Variants in CYTH3 observed in about 807,000 individuals in gnomAD.
CYTH3 encodes the protein cytohesin 3.
In CYTH3, 23 loss-of-function variants were observed where a neutral mutation model predicts 55.1. The ratio of observed to expected loss-of-function variants is 0.42; its 90% CI spans 0.30 to 0.59. The LOEUF (loss-of-function observed/expected upper bound fraction) is 0.59. Among genes scored for constraint, CYTH3 ranks in the 20% least tolerant of loss-of-function variants. The pLI is 0.20. For missense variants in CYTH3, 413 were observed against 524.8 expected (o/e 0.79, Z 2.08); for synonymous variants, 249 against 194.9 (o/e 1.28, Z -2.31).
At position 6,255,628 on chromosome 7, in the gene CYTH3, G is replaced by C. The variant is rs553805601; in HGVS notation, c.34+16846C>G. Among the ~76,000 whole-genome samples the C allele has an allele frequency of 3.9e-5, 6 of 152,230 alleles. No individual in the cohort carries two copies. The South Asian group carries it at 1.2e-3, about 32-fold the overall frequency. ...AGCACCTCATCAAGATAGGGAGGGAGGGATATGTTGGGGACATCAGGAGAA... is the reference window on the plus strand; with the variant it reads ...AGCACCTCATCAAGATAGGGAGGGACGGATATGTTGGGGACATCAGGAGAA... On this transcript the variant is annotated intron_variant, in intron 1 of 12. Transcript: ENST00000350796.
chr7:6,245,540 C>T (rs1294194622), intron 1 of CYTH3, among the ~76,000 whole-genome samples: 3 of 152,190 alleles, frequency 2.0e-5, no homozygotes, highest in Non-Finnish European at 2.9e-5. Flanking sequence ...CCTACTTTCA[C>T]TCATCTCCAG....
chr7:6,236,647 C>T (rs1359503701), intron 1 of CYTH3, among the ~76,000 whole-genome samples: 1 of 152,128 alleles, frequency 6.6e-6, no homozygotes, highest in East Asian at 1.9e-4. Context: ...AAACCTCCAC[C>T]TTCTGGGTTC....
chr7:6,179,962 G>A (rs1254898496), intron 4 of CYTH3, among the ~76,000 whole-genome samples: 2 of 148,084 alleles, frequency 1.4e-5, no homozygotes, highest in African/African-American at 2.5e-5. Flanking sequence ...ATGCAGGTCT[G>A]GTCCTTCGAG....
At chr7:6,192,620 C>T (rs1783827282) in intron 1 of CYTH3, among the ~76,000 whole-genome samples, 1 of 150,732 alleles carries the variant, frequency 6.6e-6, no homozygotes, top group East Asian at 2.0e-4. Context: ...CAACCTCCAC[C>T]TCCTGAGTTC....
chr7:6,223,736 T>C (rs565952185), intron 1 of CYTH3, among the ~76,000 whole-genome samples: 8 of 151,114 alleles, frequency 5.3e-5, no homozygotes, highest in East Asian at 2.0e-4. Context: ...ACTAGAGACT[T>C]TTGTTCACGT....
chr7:6,245,369 G>A (rs1007187948), intron 1 of CYTH3, among the ~76,000 whole-genome samples: 1 of 152,104 alleles, frequency 6.6e-6, no homozygotes, highest in African/African-American at 2.4e-5. Context: ...CAGAATTAGA[G>A]AGTTTCAGGC....
intron 1 of CYTH3, among the ~76,000 whole-genome samples, chr7:6,246,400 C>A (rs1341948007): frequency 6.6e-6 from 1 of 152,106 alleles, no homozygotes; most frequent in South Asian, 2.1e-4. Flanking sequence ...AGCCAATTTA[C>A]AAAACCAAAT....
Position 6,171,156 on chromosome 7 carries a change from G to GGAGGCTGTGCCTGGCAAGGGGC in CYTH3, c.562+24_562+45dup. 6.2e-7 allele frequency: 1 copy of GGAGGCTGTGCCTGGCAAGGGGC among 1,607,636 alleles called. No homozygotes were observed. Among genetic ancestry groups the GGAGGCTGTGCCTGGCAAGGGGC allele is most frequent in the Non-Finnish European group, 8.5e-7 (1 of 1,174,596 alleles). On this transcript the variant is annotated intron_variant, in intron 7 of 12. Transcript: ENST00000350796. This position sits in a 1 kb window ranked among gnomAD's most constrained non-coding sequence, Gnocchi z 6.7. Reference sequence around the variant, plus strand: ...CACAGGGGCCGCCCCCTCCAGAGCTGGAGGCTGTGCCTGGCAAGGGGCCAG... The same window carrying GGAGGCTGTGCCTGGCAAGGGGC: ...CACAGGGGCCGCCCCCTCCAGAGCTGGAGGCTGTGCCTGGCAAGGGGCGAGGCTGTGCCTGGCAAGGGGCCAG...
intron 1 of CYTH3, among the ~76,000 whole-genome samples, chr7:6,217,442 C>T (rs2128550655): frequency 6.6e-6 from 1 of 152,146 alleles, no homozygotes. Context: ...AATAAAACAG[C>T]TACAGTAAAC....
chr7:6,187,864 A>G (rs952596991), intron 2 of CYTH3, 143 bp from the exon 3 acceptor site: 1 of 701,328 alleles, frequency 1.4e-6, no homozygotes, highest in Admixed American at 2.2e-5. Context: ...TACTATTATC[A>G]ATACAGCTAG....
intron 1 of CYTH3, among the ~76,000 whole-genome samples, chr7:6,201,249 C>T (rs796168782): frequency 3.3e-5 from 5 of 152,176 alleles, no homozygotes; most frequent in South Asian, 2.1e-4. Context: ...AGGGCAGTCA[C>T]GTGTTAGCAA....
intron 1 of CYTH3, among the ~76,000 whole-genome samples, chr7:6,257,398 A>C (rs1473443183): frequency 1.3e-5 from 2 of 152,220 alleles, no homozygotes; most frequent in Non-Finnish European, 2.9e-5. Context: ...TGATTATTTT[A>C]TTTCCTCTCT....
chr7:6,235,459 G>A (rs1483280982), intron 1 of CYTH3, among the ~76,000 whole-genome samples: 1 of 148,178 alleles, frequency 6.7e-6, no homozygotes, highest in Non-Finnish European at 1.5e-5. Flanking sequence ...GGAGACAGAG[G>A]GAGACTCTAT....
chr7:6,175,545 C>CTTTT lies in CYTH3; in HGVS notation c.369-1816_369-1813dup, dbSNP rs1177188782. 1.9e-3 allele frequency among the ~76,000 whole-genome samples: 170 copies of CTTTT among 88,996 alleles called. 2 individuals carry two copies. Among genetic ancestry groups the CTTTT allele is most frequent in the East Asian group, 8.5e-3 (20 of 2,358 alleles). 58.4% of individuals were successfully genotyped at this position (88,996 alleles called of 152,430 possible). ...CAATGTCTTGACTATACACTTTAGT[C>CTTTT]TTTTTTTTTTTTTTTTTTTTTTGAG... On this transcript the variant is annotated intron_variant, in intron 5 of 12. Transcript: ENST00000350796.
intron 1 of CYTH3, among the ~76,000 whole-genome samples, chr7:6,270,120 G>A (rs1296008086): frequency 6.6e-6 from 1 of 152,020 alleles, no homozygotes; most frequent in Non-Finnish European, 1.5e-5. Context: ...AATCTAAAAG[G>A]TATTAACTGT....
chr7:6,215,507 G>A (rs1240046332), intron 1 of CYTH3, among the ~76,000 whole-genome samples: 4 of 151,152 alleles, frequency 2.6e-5, no homozygotes, highest in African/African-American at 7.3e-5. Flanking sequence ...GGAGAATGGC[G>A]TGAACCCAGG....
intron 1 of CYTH3, among the ~76,000 whole-genome samples, chr7:6,212,357 A>G (rs1784338438): frequency 6.6e-6 from 1 of 152,122 alleles, no homozygotes; most frequent in Non-Finnish European, 1.5e-5. Context: ...TGCAACCATC[A>G]TCACTATCCA....
In CYTH3 at chr7:6,167,777, C is replaced by G. The variant is rs1783055897; in HGVS notation, c.824-1967G>C. Among the ~76,000 whole-genome samples, 1 of 152,392 alleles carries G rather than the reference C, an allele frequency of 6.6e-6. No homozygotes were observed. The highest frequency in any genetic ancestry group is 1.5e-5 in the Non-Finnish European group (1 of 68,042). On this transcript the variant is annotated intron_variant, in intron 9 of 12. Transcript: ENST00000350796. This position sits in a 1 kb window ranked among gnomAD's most constrained non-coding sequence, Gnocchi z 5.5. The stretch of plus-strand genomic sequence containing the variant: ...GTTTCTGTCCAGCGCCTGCTCTCTT[C>G]CTCCACGCTCCCAGCATGGTGGACA...
chr7:6,272,410 G>GGGGGGGGGGGGGGGGGC, intron 1 of CYTH3, 64 bp downstream of exon 1: 1 of 1,216,614 alleles, frequency 8.2e-7, no homozygotes, highest in South Asian at 2.0e-5. Flanking sequence ...CCGCGCCCTC[G>GGGGGGGGGGGGGGGGGC]ACCCCCAGCC....
Sources: allele counts gnomAD v4.1 joint callset (sites outside exome capture counted in the v4.1 genomes callset), GRCh38; gene constraint gnomAD v4.1.1; non-coding constraint Gnocchi (gnomAD v3.1); transcripts MANE v1.5; gene names NCBI Gene and HGNC (gene_info 2026-07-23, HGNC 2026-07-21).